PRMT7: variants seen among roughly 807,000 people sequenced by gnomAD.
PRMT7 encodes the protein protein arginine methyltransferase 7.
In PRMT7, 75 loss-of-function variants were observed where a neutral mutation model predicts 85.4. The observed-to-expected ratio is 0.88, with a 90% CI of 0.73 to 1.06. The LOEUF (loss-of-function observed/expected upper bound fraction) is 1.06, where lower values mean the gene tolerates loss of function less well. PRMT7 is among the 50% of genes least tolerant of loss of function. The pLI is 0.00. For synonymous variants in PRMT7, 397 were observed against 359.5 expected, an observed-to-expected ratio of 1.10 and a Z score of -1.18; for missense variants, 868 against 915.2, an observed-to-expected ratio of 0.95 and a Z score of 0.67.
At chr16:68,314,864 A>G (rs1234865082) in intron 2 of PRMT7, among the ~76,000 whole-genome samples, 1 of 152,224 alleles carries the variant, frequency 6.6e-6, no homozygotes, top group Non-Finnish European at 1.5e-5. Flanking sequence ...GAATCTGGTG[A>G]CATTTTACTT....
chr16:68,317,817 G>A (rs2082039363), intron 3 of PRMT7, among the ~76,000 whole-genome samples: 1 of 143,352 alleles, frequency 7.0e-6, no homozygotes, highest in Non-Finnish European at 1.5e-5. Flanking sequence ...GGCAACAAGA[G>A]CTAAACTCTG....
intron 8 of PRMT7, 98 bp downstream of exon 8, chr16:68,339,661 G>C: frequency 6.3e-7 from 1 of 1,585,574 alleles, no homozygotes; most frequent in African/African-American, 1.3e-5. Context: ...TCTAGCTGCT[G>C]TCACCTGCCT....
At chr16:68,349,299 C>T (rs2086912731) in intron 14 of PRMT7, among the ~76,000 whole-genome samples, 2 of 150,938 alleles carry the variant, frequency 1.3e-5, no homozygotes, top group Admixed American at 1.3e-4. Context: ...TGCATCCTCT[C>T]TGGTAATCAC....
intron 14 of PRMT7, chr16:68,351,253 C>T (rs1053090889): frequency 7.2e-5 from 11 of 152,262 alleles, no homozygotes; most frequent in African/African-American, 2.2e-4. Flanking sequence ...CTCTGACTGG[C>T]CCCACTTTGG....
At chr16:68,350,212 A>T (rs1052555126) in intron 14 of PRMT7, among the ~76,000 whole-genome samples, 1 of 152,212 alleles carries the variant, frequency 6.6e-6, no homozygotes, top group African/African-American at 2.4e-5. Flanking sequence ...GGCCACTTTG[A>T]ATAAGGCTTC....
chr16:68,321,396 G>A (rs1204232998), intron 3 of PRMT7, 30 bp from the exon 4 acceptor site: 1 of 1,574,090 alleles, frequency 6.4e-7, no homozygotes, highest in Non-Finnish European at 8.7e-7. Context: ...TGTGTATCAT[G>A]CAAAGGTTAC....
At chr16:68,322,680 G>C (rs1445310830) in intron 4 of PRMT7, among the ~76,000 whole-genome samples, 1 of 151,892 alleles carries the variant, frequency 6.6e-6, no homozygotes, top group East Asian at 1.9e-4. Flanking sequence ...AGTGAAGGCT[G>C]TGCCATCCCT....
intron 6 of PRMT7, among the ~76,000 whole-genome samples, chr16:68,331,098 TTC>T (rs2083823570): frequency 6.6e-6 from 1 of 152,162 alleles, no homozygotes; most frequent in Non-Finnish European, 1.5e-5. Flanking sequence ...TCATAACCCT[TTC>T]TATCAGTCCC....
chr16:68,357,012 T>A, intron 18 of PRMT7, 42 bp from the exon 19 acceptor site: 1 of 1,559,470 alleles, frequency 6.4e-7, no homozygotes, highest in Non-Finnish European at 8.7e-7. Flanking sequence ...GAGGCTCAGG[T>A]GCCAGGGAGC....
chr16:68,357,047 C>T lies in PRMT7; in HGVS notation c.1909-7C>T, dbSNP rs2088699011. On this transcript the variant is annotated splice_polypyrimidine_tract_variant and splice_region_variant and intron_variant, in intron 18 of 18. Coordinates refer to ENST00000441236, the MANE Select transcript of PRMT7 (RefSeq NM_019023.5). ...CCCTCACCATCTTCCTGCTCTTCTT[C>T]CTACAGGGGGGCTGCTGCTGGAACC... 1 of 1,599,304 alleles carries T rather than the reference C, an allele frequency of 6.3e-7. No individual in the cohort carries two copies. Among genetic ancestry groups the T allele is most frequent in the Non-Finnish European group, 8.5e-7 (1 of 1,172,216 alleles).
chr16:68,321,196 G>A (rs942525988), intron 3 of PRMT7, among the ~76,000 whole-genome samples: 2 of 151,880 alleles, frequency 1.3e-5, no homozygotes, highest in African/African-American at 4.8e-5. Flanking sequence ...TTGAACTTGG[G>A]AGGCAGAGGT....
In PRMT7 at chr16:68,324,691, A is replaced by G; in HGVS notation, c.141A>G (p.Lys47=). 1 of 1,614,228 alleles carries G rather than the reference A, an allele frequency of 6.2e-7. No individual in the cohort carries two copies. Among genetic ancestry groups the G allele is most frequent in the Non-Finnish European group, 8.5e-7 (1 of 1,180,016 alleles). The change falls in exon 5 of 19, where the codon AAA becomes AAG. Residue 47 remains lysine, a synonymous_variant. Transcript: ENST00000441236. ...DMLHDKDRNV[K]YYQGIRAAVS... is the part of the protein sequence containing the mutation. ...GGCCATGTCTTCCTTAGAATGTAAA[A>G]TACTACCAAGGTATCCGGGCTGCCG...
intron 8 of PRMT7, 90 bp downstream of exon 8, chr16:68,339,653 T>C: frequency 6.3e-7 from 1 of 1,590,022 alleles, no homozygotes; most frequent in Non-Finnish European, 8.6e-7. Context: ...GAAGGAAATC[T>C]AGCTGCTGTC....
At chr16:68,311,519 A>G (rs948318215) in intron 1 of PRMT7, 2 of 156,952 alleles carry the variant, frequency 1.3e-5, no homozygotes, top group African/African-American at 4.8e-5. Flanking sequence ...AGCCTAGTGT[A>G]GATACGCTTC....
At chr16:68,322,066 ACCTG>A (rs1225321336) in intron 4 of PRMT7, among the ~76,000 whole-genome samples, 2 of 151,874 alleles carry the variant, frequency 1.3e-5, no homozygotes, top group African/African-American at 4.8e-5. Flanking sequence ...TCCTGCCTCA[ACCTG>A]CCTAAGTGTT....
At chr16:68,316,231 A>C (rs2081838667) in intron 3 of PRMT7, 157 bp downstream of exon 3, 1 of 629,284 alleles carries the variant, frequency 1.6e-6, no homozygotes, top group African/African-American at 1.8e-5. Flanking sequence ...CCAGGTAGGT[A>C]TATGTAGCAG....
intron 3 of PRMT7, among the ~76,000 whole-genome samples, chr16:68,318,546 A>T (rs1307638242): frequency 6.7e-6 from 1 of 150,080 alleles, no homozygotes; most frequent in Non-Finnish European, 1.5e-5. Flanking sequence ...TTCTTGTTTT[A>T]TTGTTCAGAT....
chr16:68,312,809 C>T (rs2044102333), intron 2 of PRMT7, among the ~76,000 whole-genome samples: 1 of 152,126 alleles, frequency 6.6e-6, no homozygotes, highest in Non-Finnish European at 1.5e-5. Flanking sequence ...AAATTGTTAA[C>T]ACAAGACATA....
At chr16:68,353,346 T>G in intron 15 of PRMT7, 146 bp from the exon 16 acceptor site, 21 of 1,470,870 alleles carry the variant, frequency 1.4e-5, no homozygotes, top group Non-Finnish European at 1.8e-5. Flanking sequence ...GAAACCGTTG[T>G]GGATCTTTGT....
Sources: gnomAD v4.1 joint callset for allele counts (sites outside exome capture counted in the v4.1 genomes callset) on GRCh38, gnomAD v4.1.1 for gene constraint, MANE v1.5 for transcripts, NCBI Gene and HGNC (gene_info 2026-07-23, HGNC 2026-07-21) for gene names.